The following CHODL variants were observed in gnomAD, a reference collection of about 807,000 sequenced individuals.
CHODL encodes transmembrane protein MT75.
CHODL carries 29 observed loss-of-function variants against 34.5 expected under a neutral mutation model. The ratio of observed to expected loss-of-function variants is 0.84; its 90% confidence interval spans 0.63 to 1.15. The LOEUF is 1.15. Ranked by LOEUF, CHODL falls within the 50% of genes most tolerant of loss-of-function variation. The pLI, the probability that CHODL is intolerant of heterozygous loss-of-function variation, is 0.00. For missense variants in CHODL, 332 were observed against 332.5 expected, an observed-to-expected ratio of 1.00 and a Z score of 0.01; for synonymous variants, 125 against 116.1, an observed-to-expected ratio of 1.08 and a Z score of -0.49.
intron 2 of CHODL, among the ~76,000 whole-genome samples, chr21:18,201,941 A>G (rs2073658634): frequency 6.6e-6 from 1 of 150,376 alleles, no homozygotes; most frequent in Admixed American, 6.7e-5. Context: ...AGTAGTTGGG[A>G]CTACAGGCGA....
intron 2 of CHODL, among the ~76,000 whole-genome samples, chr21:18,099,127 TA>T (rs1033551006): frequency 1.3e-5 from 2 of 151,764 alleles, no homozygotes; most frequent in Non-Finnish European, 2.9e-5. Flanking sequence ...GGTTAGTGGA[TA>T]AAAAAAGATG....
chr21:17,937,334 G>A (rs942523132), intron 1 of CHODL, among the ~76,000 whole-genome samples: 7 of 152,068 alleles, frequency 4.6e-5, no homozygotes, highest in African/African-American at 1.7e-4. Context: ...CAAACACAGA[G>A]GGCCCGTTTG....
upstream of CHODL, among the ~76,000 whole-genome samples, chr21:18,240,367 TTCTCC>T (rs1188233305): frequency 6.6e-6 from 1 of 152,132 alleles, no homozygotes; most frequent in Non-Finnish European, 1.5e-5. Context: ...AACACAGAAC[TTCTCC>T]AATTCATTCT....
intron 1 of CHODL, among the ~76,000 whole-genome samples, chr21:17,947,447 C>A (rs1321951057): frequency 6.6e-6 from 1 of 151,820 alleles, no homozygotes; most frequent in Admixed American, 6.6e-5. Context: ...AACAGACAAC[C>A]TACAGAAGGG....
chr21:18,083,558 G>C (rs1344887115), intron 2 of CHODL, among the ~76,000 whole-genome samples: 1 of 152,176 alleles, frequency 6.6e-6, no homozygotes, highest in African/African-American at 2.4e-5. Flanking sequence ...GCAGCCAGGA[G>C]GGGGGCTGTA....
chr21:18,004,520 G>A (rs915052822), intron 1 of CHODL, among the ~76,000 whole-genome samples: 6 of 152,144 alleles, frequency 3.9e-5, no homozygotes, highest in African/African-American at 1.4e-4. Flanking sequence ...TTAGGAAATC[G>A]AGCATACAAT....
intron 1 of CHODL, among the ~76,000 whole-genome samples, chr21:17,967,953 TCAGAACC>T (rs1240246840): frequency 6.6e-6 from 1 of 152,194 alleles, no homozygotes; most frequent in African/African-American, 2.4e-5. Context: ...CTTGGTCCCT[TCAGAACC>T]CATGAGTGGA....
At chr21:18,179,544 T>C (rs1442840097) in intron 2 of CHODL, among the ~76,000 whole-genome samples, 1 of 152,174 alleles carries the variant, frequency 6.6e-6, no homozygotes, top group African/African-American at 2.4e-5. Flanking sequence ...AGTTTTACCC[T>C]TTAGTCAAAG....
At chr21:18,009,244 A>G (rs985223138) in intron 1 of CHODL, among the ~76,000 whole-genome samples, 2 of 152,216 alleles carry the variant, frequency 1.3e-5, no homozygotes, top group African/African-American at 4.8e-5. Flanking sequence ...ATAGCTAAAA[A>G]TGTAGAAGTT....
chr21:18,114,595 G>A (rs1477255236), intron 2 of CHODL, among the ~76,000 whole-genome samples: 1 of 152,088 alleles, frequency 6.6e-6, no homozygotes, highest in Non-Finnish European at 1.5e-5. Flanking sequence ...TTAGCTGCCT[G>A]GCTAATTTTT....
intron 2 of CHODL, among the ~76,000 whole-genome samples, chr21:18,187,252 T>C (rs1010999570): frequency 6.6e-6 from 1 of 152,188 alleles, no homozygotes; most frequent in African/African-American, 2.4e-5. Context: ...CCAGATAAGA[T>C]AGCTGGCATT....
At chr21:18,153,329 C>G (rs907106744) in intron 2 of CHODL, among the ~76,000 whole-genome samples, 1 of 152,166 alleles carries the variant, frequency 6.6e-6, no homozygotes, top group Non-Finnish European at 1.5e-5. Context: ...AGGGCCCCTT[C>G]TCCTTGTTGG....
intron 2 of CHODL, among the ~76,000 whole-genome samples, chr21:18,157,322 C>T (rs952665005): frequency 1.3e-5 from 2 of 152,136 alleles, no homozygotes; most frequent in Admixed American, 6.5e-5. Flanking sequence ...TCAATATTGC[C>T]ATTATTACCG....
At chr21:18,058,998 G>C (rs944682122) in intron 2 of CHODL, among the ~76,000 whole-genome samples, 2 of 152,120 alleles carry the variant, frequency 1.3e-5, no homozygotes, top group African/African-American at 4.8e-5. Flanking sequence ...CTGGTGTTAT[G>C]GACTAAATTT....
At chr21:17,958,564 C>T (rs1373833492) in intron 1 of CHODL, among the ~76,000 whole-genome samples, 2 of 152,158 alleles carry the variant, frequency 1.3e-5, no homozygotes, top group Non-Finnish European at 2.9e-5. Context: ...TTCAGATGCT[C>T]ATCTGTTTCC....
intron 1 of CHODL, among the ~76,000 whole-genome samples, chr21:17,936,163 G>A (rs1305220654): frequency 6.6e-6 from 1 of 152,132 alleles, no homozygotes. Context: ...TTATAACACT[G>A]GTTGGCAGGC....
chr21:18,065,412 C>T (rs959736444), intron 2 of CHODL, among the ~76,000 whole-genome samples: 2 of 152,090 alleles, frequency 1.3e-5, no homozygotes, highest in African/African-American at 2.4e-5. Context: ...AATACATGCT[C>T]GTCTGTGATT....
At chr21:18,151,226 A>C (rs1357476349) in intron 2 of CHODL, among the ~76,000 whole-genome samples, 2 of 152,320 alleles carry the variant, frequency 1.3e-5, no homozygotes, top group Non-Finnish European at 1.5e-5. Context: ...GAATCTGAAC[A>C]GACAGGCCTT....
chr21:18,102,181 C>A (rs2065223523), intron 2 of CHODL, among the ~76,000 whole-genome samples: 1 of 152,140 alleles, frequency 6.6e-6, no homozygotes, highest in African/African-American at 2.4e-5. Flanking sequence ...ACTGAGTTTG[C>A]CATTCTTGGG....
Sources: gnomAD v4.1 joint callset for allele counts (sites outside exome capture counted in the v4.1 genomes callset) on GRCh38, gnomAD v4.1.1 for gene constraint, MANE v1.5 for transcripts, NCBI Gene and HGNC (gene_info 2026-07-23, HGNC 2026-07-21) for gene names.